Variants in SLC22A23 observed in about 807,000 individuals in gnomAD.
SLC22A23 encodes solute carrier family 22 member 23.
SLC22A23 carries 26 observed loss-of-function variants against 61.0 expected under a neutral mutation model. That is an observed-to-expected ratio of 0.43 (90% CI 0.31 to 0.59). The LOEUF (loss-of-function observed/expected upper bound fraction) is 0.59. Ranked by LOEUF, SLC22A23 falls within the 20% of genes least tolerant of loss-of-function variation. SLC22A23 has a pLI of 0.11. For missense variants in SLC22A23, 796 were observed against 934.7 expected (o/e 0.85, Z 1.94); for synonymous variants, 430 against 413.9 (o/e 1.04, Z -0.47).
rs1762152501 is a variant in SLC22A23, at chr6:3,308,661, TG to T, written c.1083-10444del. On this transcript the variant is annotated intron_variant, in intron 4 of 9. Coordinates refer to ENST00000406686, the MANE Select transcript of SLC22A23 (RefSeq NM_015482.2). This position sits in a 1 kb window ranked among gnomAD's most constrained non-coding sequence, Gnocchi z 5.1. Reference sequence around the variant, plus strand: ...TAAAACCTAACATAAAACCACAGCATGGGCCGGGTGTGGTGGCTCACACCTG... The same window carrying T: ...TAAAACCTAACATAAAACCACAGCATGGCCGGGTGTGGTGGCTCACACCTG... 6.6e-6 allele frequency among the ~76,000 whole-genome samples: 1 copy of T among 152,158 alleles called. No individual in the cohort carries two copies. The highest frequency in any genetic ancestry group is 2.1e-4 in the South Asian group (1 of 4,830).
At chr6:3,431,360 T>A (rs1770851628) in intron 1 of SLC22A23, among the ~76,000 whole-genome samples, 1 of 152,164 alleles carries the variant, frequency 6.6e-6, no homozygotes, top group South Asian at 2.1e-4. Flanking sequence ...TGATCAAGGA[T>A]CACAGAAAAG....
intron 1 of SLC22A23, among the ~76,000 whole-genome samples, chr6:3,422,575 T>C (rs930405149): frequency 6.6e-6 from 1 of 152,158 alleles, no homozygotes; most frequent in African/African-American, 2.4e-5. Context: ...TCTCTACTTT[T>C]TGCCTCTAAG....
intron 1 of SLC22A23, among the ~76,000 whole-genome samples, chr6:3,417,024 G>A (rs1361099682): frequency 6.6e-6 from 1 of 152,132 alleles, no homozygotes; most frequent in Non-Finnish European, 1.5e-5. Context: ...GATCCTTAGA[G>A]GGCACTGTAA....
intron 1 of SLC22A23, among the ~76,000 whole-genome samples, chr6:3,423,120 A>C (rs1456647440): frequency 6.6e-6 from 1 of 152,078 alleles, no homozygotes; most frequent in Non-Finnish European, 1.5e-5. Context: ...GTGGGAGAGA[A>C]ATAGAAACTG....
intron 4 of SLC22A23, chr6:3,313,261 T>C (rs1313998132): frequency 6.6e-6 from 1 of 152,250 alleles, no homozygotes; most frequent in African/African-American, 2.4e-5. Flanking sequence ...GACTGAAATA[T>C]GGGTGACCAT....
intron 1 of SLC22A23, among the ~76,000 whole-genome samples, chr6:3,416,816 T>C (rs945168308): frequency 6.6e-6 from 1 of 151,912 alleles, no homozygotes; most frequent in African/African-American, 2.4e-5. Context: ...GGGGGTGGGG[T>C]GGTGCAGGGA....
chr6:3,358,648 T>C (rs974027498), intron 3 of SLC22A23, among the ~76,000 whole-genome samples: 8 of 152,202 alleles, frequency 5.3e-5, no homozygotes, highest in South Asian at 2.1e-4. Flanking sequence ...GGAACTCTGC[T>C]GCACACATTG....
Position 3,390,176 on chromosome 6 carries a change from C to T in SLC22A23, c.913+20012G>A, listed in dbSNP as rs764940467. On this transcript the variant is annotated intron_variant, in intron 3 of 9. Coordinates refer to ENST00000406686, the MANE Select transcript of SLC22A23 (RefSeq NM_015482.2). This position sits in a 1 kb window ranked among gnomAD's most constrained non-coding sequence, Gnocchi z 4.0. ...AAAGGAATGAGGCTCTCTCCATAAC[C>T]TCCAGGCCTATGTTAAACTTCACAT... Among the ~76,000 whole-genome samples the T allele has an allele frequency of 1.2e-4, 18 of 152,184 alleles. 1 individual carries two copies. Among genetic ancestry groups the T allele is most frequent in the Non-Finnish European group, 2.5e-4 (17 of 68,028 alleles).
intron 3 of SLC22A23, among the ~76,000 whole-genome samples, chr6:3,349,160 G>A (rs1351362378): frequency 6.6e-6 from 1 of 152,178 alleles, no homozygotes; most frequent in East Asian, 1.9e-4. Context: ...ACTGGCCGCG[G>A]GGCACTTCTC....
At chr6:3,363,515 A>G (rs11242847) in intron 3 of SLC22A23, among the ~76,000 whole-genome samples, 107,028 of 152,216 alleles carry the variant, frequency 0.7, 37,862 homozygotes, top group East Asian at 0.84. Context: ...GTCCCCGCCC[A>G]TGGCCTGCTG....
At chr6:3,380,639 A>G (rs1313316632) in intron 3 of SLC22A23, among the ~76,000 whole-genome samples, 1 of 148,200 alleles carries the variant, frequency 6.7e-6, no homozygotes, top group Non-Finnish European at 1.5e-5. Flanking sequence ...ACTCACATTA[A>G]GTTATTAAAA....
At position 3,410,282 on chromosome 6, in the gene SLC22A23, A is replaced by T; in HGVS notation, c.819T>A (p.Thr273=). 6.2e-7 allele frequency: 1 copy of T among 1,613,890 alleles called. No homozygotes were observed. The highest frequency in any genetic ancestry group is 8.5e-7 in the Non-Finnish European group (1 of 1,179,876). Residue 273 remains threonine (T), a synonymous_variant, in exon 3 of 10, where the codon ACT becomes ACA. Transcript: ENST00000406686. This position sits in a 1 kb window ranked among gnomAD's most constrained non-coding sequence, Gnocchi z 5.0. ...TTGTCACATTCACTGACAGTGCCAC[A>T]GTCAGTCCAAAGATCAGAATGAAGA... ...SIIFILIFGL[T]VALSVNVTMF...
At chr6:3,406,551 CGCAT>C (rs1224886104) in intron 3 of SLC22A23, among the ~76,000 whole-genome samples, 5 of 71,530 alleles carry the variant, frequency 7.0e-5, no homozygotes, top group Non-Finnish European at 1.6e-4. Context: ...TGTGTGTGCG[CGCAT>C]GTGTGTGTGT....
chr6:3,449,563 AAAAGATGTTT>A (rs1772069970), intron 1 of SLC22A23, among the ~76,000 whole-genome samples: 1 of 152,250 alleles, frequency 6.6e-6, no homozygotes, highest in Admixed American at 6.5e-5. Flanking sequence ...AAAACTTTCA[AAAAGATGTTT>A]AACTTCCTTC....
intron 3 of SLC22A23, among the ~76,000 whole-genome samples, chr6:3,339,899 C>T (rs538455758): frequency 3.0e-4 from 46 of 152,312 alleles, no homozygotes; most frequent in African/African-American, 7.9e-4. Flanking sequence ...CTTTGCACTG[C>T]GGACTGGCCC....
chr6:3,296,798 G>A (rs943977316), intron 5 of SLC22A23, among the ~76,000 whole-genome samples: 1 of 152,180 alleles, frequency 6.6e-6, no homozygotes, highest in Admixed American at 6.5e-5. Context: ...TGACATCCTG[G>A]CTGAGCTACG....
At position 3,318,744 on chromosome 6, in the gene SLC22A23, G is replaced by C. The variant is rs1581683417; in HGVS notation, c.1082+5090C>G. ...GCTGCGGCCTCAGTCAAGTCTCCTG[G>C]TCACCTCATCCTGTCACCCACCACA... is the stretch of plus-strand genomic sequence containing the variant. On this transcript the variant is annotated intron_variant, in intron 4 of 9. Transcript: ENST00000406686. The surrounding 1 kb of genome is among the most constrained non-coding windows in gnomAD (Gnocchi z 4.3). Among the ~76,000 whole-genome samples the C allele has an allele frequency of 3.3e-5, 5 of 152,236 alleles. No homozygotes were observed. Among genetic ancestry groups the C allele is most frequent in the Admixed American group, 3.3e-4 (5 of 15,290 alleles).
At chr6:3,353,859 G>T (rs371048952) in intron 3 of SLC22A23, among the ~76,000 whole-genome samples, 19 of 152,304 alleles carry the variant, frequency 1.2e-4, no homozygotes, top group African/African-American at 4.6e-4. Flanking sequence ...CAGGACCCCA[G>T]TTCTGGCCCA....
chr6:3,349,502 C>T (rs78241334), intron 3 of SLC22A23, among the ~76,000 whole-genome samples: 5,116 of 152,240 alleles, frequency 0.034, 289 homozygotes, highest in African/African-American at 0.12. Flanking sequence ...CCCTGCAGGC[C>T]CTGAATTATT....
Sources: gnomAD v4.1 joint callset for allele counts (sites outside exome capture counted in the v4.1 genomes callset) on GRCh38, gnomAD v4.1.1 for gene constraint, Gnocchi (gnomAD v3.1) non-coding constraint, MANE v1.5 for transcripts, NCBI Gene and HGNC (gene_info 2026-07-23, HGNC 2026-07-21) for gene names.